TATDN2: variants seen among roughly 807,000 people sequenced by gnomAD.
TATDN2 encodes the protein 3'-5' RNA nuclease TATDN2.
TATDN2 carries 44 observed loss-of-function variants against 60.3 expected under a neutral mutation model. The observed-to-expected ratio is 0.73, with a 90% CI of 0.57 to 0.94. TATDN2 has a LOEUF of 0.94. Among genes scored for constraint, TATDN2 ranks in the 40% least tolerant of loss-of-function variants. The pLI, the probability that TATDN2 is intolerant of heterozygous loss-of-function variation, is 0.00. For missense variants in TATDN2, 997 were observed against 948.0 expected (o/e 1.05, Z -0.68); for synonymous variants, 399 against 355.8 (o/e 1.12, Z -1.37).
chr3:10,258,381 G>A (rs1476347828), intron 2 of TATDN2, among the ~76,000 whole-genome samples: 1 of 150,910 alleles, frequency 6.6e-6, no homozygotes, highest in Admixed American at 6.6e-5. Flanking sequence ...GGGTTCAAGT[G>A]ATTCTCCTGC....
In TATDN2 at chr3:10,249,541, G is replaced by A. The variant is rs768418396; in HGVS notation, c.341G>A (p.Gly114Glu). The A allele has an allele frequency of 1.9e-6, 3 of 1,591,074 alleles. No homozygotes were observed. The highest frequency in any genetic ancestry group is 1.3e-5 in the African/African-American group (1 of 74,126). ...ACTCGGGGGTTCCTGTCTTCAGGGG[G>A]ATCCCCTCTGCGTCCTGCCAACGCC... ...RNTRGFLSSG[G>E]SPLRPANASL... The change falls in exon 2 of 8, where the codon GGA becomes GAA. Residue 114 changes from glycine (G) to glutamate (E), a missense_variant. Physicochemically the swap from Gly to Glu is moderately conservative, Grantham distance 98. Coordinates refer to ENST00000448281, the MANE Select transcript of TATDN2 (RefSeq NM_014760.4).
chr3:10,270,469 C>T lies in TATDN2; in HGVS notation c.1287C>T (p.Asn429=), dbSNP rs996755849. The T allele has an allele frequency of 1.9e-6, 3 of 1,614,238 alleles. No individual in the cohort carries two copies. Among genetic ancestry groups the T allele is most frequent in the Non-Finnish European group, 2.5e-6 (3 of 1,180,044 alleles). Reference sequence around the variant, plus strand: ...CCAACTCTACAGGGAGTGTCCAAAACACCTCCAGAGACATGGAGGCCTCAG... The same window carrying T: ...CCAACTCTACAGGGAGTGTCCAAAATACCTCCAGAGACATGGAGGCCTCAG... The part of the protein sequence containing the change: ...YSPNSTGSVQ[N]TSRDMEASEE... Residue 429 remains asparagine (N), a synonymous_variant, in exon 4 of 8, where the codon AAC becomes AAT. Coordinates refer to ENST00000448281, the MANE Select transcript of TATDN2 (RefSeq NM_014760.4).
At chr3:10,257,849 T>TTTTTTTTTTTTTTTTTTG (rs1698336042) in intron 2 of TATDN2, among the ~76,000 whole-genome samples, 1 of 65,394 alleles carries the variant, frequency 1.5e-5, no homozygotes. Flanking sequence ...TGATTTTTTT[T>TTTTTTTTTTTTTTTTTTG]TTTTTTTTTT....
Position 10,270,159 on chromosome 3 carries a change from A to G in TATDN2, c.977A>G (p.His326Arg). The change falls in exon 4 of 8, where the codon CAC becomes CGC. Residue 326 changes from histidine to arginine, a missense_variant. By Grantham distance (29) the His-to-Arg change is conservative. Coordinates refer to ENST00000448281, the MANE Select transcript of TATDN2 (RefSeq NM_014760.4). ...AAAGATAGGGAGGTGGTGATGGAGC[A>G]CCCCTCTTCTGGAAGTGACTGGTCT... The part of the protein sequence containing the change: ...KHKDREVVME[H>R]PSSGSDWSDV... 3.7e-6 allele frequency: 6 copies of G among 1,613,544 alleles called. No individual in the cohort carries two copies. Among genetic ancestry groups the G allele is most frequent in the South Asian group, 1.1e-5 (1 of 91,004 alleles).
chr3:10,270,013 C>A, intron 3 of TATDN2, 118 bp from the exon 4 acceptor site: 2 of 1,334,690 alleles, frequency 1.5e-6, no homozygotes, highest in Non-Finnish European at 1.0e-6. Flanking sequence ...TGAGCCAATG[C>A]AAAGCCATCA....
chr3:10,276,408 G>C lies in TATDN2; in HGVS notation c.1881G>C (p.Leu627Phe), dbSNP rs560183949. Reference protein sequence around the residue: ...LQLAVSLKKPLVIHCREADED... With the variant: ...LQLAVSLKKPFVIHCREADED... ...TGGCTGTGTCTCTAAAGAAGCCCTT[G>C]GTGATCCACTGCCGAGAAGCTGATG... The change falls in exon 5 of 8, where the codon TTG (leucine) becomes TTC (phenylalanine). Residue 627 changes from leucine (L) to phenylalanine (F), a missense_variant. Leu to Phe is a conservative substitution (Grantham distance 22, BLOSUM62 0). Coordinates refer to ENST00000448281, the MANE Select transcript of TATDN2 (RefSeq NM_014760.4). The C allele has an allele frequency of 1.9e-5, 31 of 1,613,856 alleles. No homozygotes were observed. The highest frequency in any genetic ancestry group is 2.5e-5 in the Non-Finnish European group (29 of 1,179,956).
At chr3:10,253,793 C>A (rs891673863) in intron 2 of TATDN2, among the ~76,000 whole-genome samples, 1 of 152,156 alleles carries the variant, frequency 6.6e-6, no homozygotes, top group Non-Finnish European at 1.5e-5. Context: ...ATTTAAGCAC[C>A]TACTCTGTGT....
chr3:10,279,267 C>A lies in TATDN2; in HGVS notation c.*85C>A. The A allele has an allele frequency of 2.1e-6, 1 of 486,166 alleles. No homozygotes were observed. 30.1% of individuals were successfully genotyped at this position (486,166 alleles called of 1,614,324 possible). On this transcript the variant is annotated 3_prime_UTR_variant, in exon 8 of 8. Transcript: ENST00000448281. Reference sequence around the variant, plus strand: ...ACACAGGCTGGCTTGAAGTCTGTGTCTCAGGTCGAGGATGTGTTTAGAGAG... The same window carrying A: ...ACACAGGCTGGCTTGAAGTCTGTGTATCAGGTCGAGGATGTGTTTAGAGAG...
intron 5 of TATDN2, among the ~76,000 whole-genome samples, chr3:10,277,419 G>A (rs1029250572): frequency 2.6e-5 from 4 of 152,172 alleles, no homozygotes; most frequent in African/African-American, 9.7e-5. Context: ...CATAGGTGCT[G>A]TGGGAGCCAC....
chr3:10,265,311 A>G (rs146674348), intron 3 of TATDN2, among the ~76,000 whole-genome samples: 472 of 150,566 alleles, frequency 3.1e-3, no homozygotes, highest in African/African-American at 0.011. Context: ...TCCTGACCTC[A>G]GGTGATCCAC....
intron 3 of TATDN2, among the ~76,000 whole-genome samples, chr3:10,265,401 A>AG (rs78652131): frequency 1 from 150,026 of 150,026 alleles, 75,013 homozygotes; most frequent in Non-Finnish European, 1. Context: ...TAAAAATTTT[A>AG]GCTGGGCGTG....
intron 3 of TATDN2, among the ~76,000 whole-genome samples, chr3:10,266,573 A>G (rs1183870484): frequency 6.6e-6 from 1 of 152,180 alleles, no homozygotes; most frequent in Non-Finnish European, 1.5e-5. Context: ...TTCAAATGTT[A>G]CCACTTGTAA....
At chr3:10,252,797 C>T (rs1473024638) in intron 2 of TATDN2, among the ~76,000 whole-genome samples, 1 of 151,542 alleles carries the variant, frequency 6.6e-6, no homozygotes, top group African/African-American at 2.4e-5. Context: ...TCAAGCGATC[C>T]TCCTGCCTCA....
At chr3:10,266,381 A>G (rs1419292914) in intron 3 of TATDN2, among the ~76,000 whole-genome samples, 1 of 152,302 alleles carries the variant, frequency 6.6e-6, no homozygotes, top group East Asian at 1.9e-4. Context: ...ATGAGACTGG[A>G]CGACAATTAG....
chr3:10,268,605 A>C (rs985932762), intron 3 of TATDN2, among the ~76,000 whole-genome samples: 13 of 152,200 alleles, frequency 8.5e-5, no homozygotes, highest in African/African-American at 3.1e-4. Flanking sequence ...GGGAGAGTTA[A>C]ATGCAGATTC....
chr3:10,277,416 G>A (rs1354049415), intron 5 of TATDN2, among the ~76,000 whole-genome samples: 2 of 152,160 alleles, frequency 1.3e-5, no homozygotes, highest in Non-Finnish European at 2.9e-5. Context: ...GGTCATAGGT[G>A]CTGTGGGAGC....
At position 10,270,585 on chromosome 3, in the gene TATDN2, A is replaced by G; in HGVS notation, c.1403A>G (p.Glu468Gly). The G allele has an allele frequency of 2.5e-6, 4 of 1,614,250 alleles. No homozygotes were observed. The highest frequency in any genetic ancestry group is 2.5e-6 in the Non-Finnish European group (3 of 1,180,048). ...EVKEKRTFQE[E>G]MPPRPCGGHA... is the part of the protein sequence containing the mutation. ...AAGGAGAAAAGAACATTCCAAGAGG[A>G]GATGCCTCCGCGTCCTTGTGGAGGA... Residue 468 changes from glutamate (E) to glycine (G), a missense_variant, in exon 4 of 8, where the codon GAG (glutamate) becomes GGG (glycine). Physicochemically the swap from Glu to Gly is moderately conservative, Grantham distance 98. Coordinates refer to ENST00000448281, the MANE Select transcript of TATDN2 (RefSeq NM_014760.4).
In TATDN2 at chr3:10,278,428, TG is replaced by T; in HGVS notation, c.2113del (p.Glu705LysfsTer76). 6.2e-7 allele frequency: 1 copy of T among 1,613,664 alleles called. No individual in the cohort carries two copies. Among genetic ancestry groups the T allele is most frequent in the South Asian group, 1.1e-5 (1 of 91,074 alleles). On this transcript the variant is annotated frameshift_variant, in exon 6 of 8. Coordinates refer to ENST00000448281, the MANE Select transcript of TATDN2 (RefSeq NM_014760.4). LOFTEE classifies it high-confidence loss of function. The surrounding 1 kb of genome is among the most constrained non-coding windows in gnomAD (Gnocchi z 4.7). The part of the protein sequence containing the change: ...LRQIPLERII[V>X]ETDAPYFLPR... ...CAGATCCCACTGGAGAGAATCATCG[TG>T]GAAACGGATGCTCCCTATTTCCTCC...
intron 2 of TATDN2, among the ~76,000 whole-genome samples, chr3:10,258,006 G>A (rs1273593512): frequency 1.4e-5 from 2 of 147,978 alleles, no homozygotes; most frequent in East Asian, 2.0e-4. Context: ...GACTACAGGC[G>A]CCCGCCACCA....
Sources: gnomAD v4.1 joint callset for allele counts (sites outside exome capture counted in the v4.1 genomes callset) on GRCh38, gnomAD v4.1.1 for gene constraint, Gnocchi (gnomAD v3.1) non-coding constraint, MANE v1.5 for transcripts, NCBI Gene and HGNC (gene_info 2026-07-23, HGNC 2026-07-21) for gene names.